Variants in KIF4A observed in about 807,000 individuals in gnomAD.
KIF4A encodes the protein kinesin family member 4A.
A neutral mutation model predicts 105.9 loss-of-function variants in KIF4A; 7 were observed. The observed-to-expected ratio is 0.07, with a 90% CI of 0.04 to 0.12. The LOEUF is 0.12. KIF4A is among the 10% of genes least tolerant of loss of function. The pLI is 1.00. For missense variants in KIF4A, 558 were observed against 929.2 expected (o/e 0.60, Z 5.19); for synonymous variants, 281 against 331.3 (o/e 0.85, Z 1.65).
intron 20 of KIF4A, among the ~76,000 whole-genome samples, 159 bp from the exon 21 acceptor site, chrX:70,395,512 G>A (rs937525691): frequency 9.0e-6 from 1 of 111,481 alleles, no homozygotes; most frequent in African/African-American, 3.3e-5. Flanking sequence ...AAGGCTCTTC[G>A]AGAGGTACTG....
At chrX:70,377,235 G>A (rs1236761846) in intron 18 of KIF4A, among the ~76,000 whole-genome samples, 1 of 110,528 alleles carries the variant, frequency 9.0e-6, no homozygotes, top group East Asian at 2.8e-4. Context: ...ATCACACCTG[G>A]CAAATTTTTT....
chrX:70,341,814 G>T lies in KIF4A; in HGVS notation c.1149G>T (p.Glu383Asp). ...TTTGTTTTAGTGTGGAACCATCAGA[G>T]AATCTACAATCCCTGATGGAGAAGA... ...LPGSITVEPS[E>D]NLQSLMEKNQ... Residue 383 changes from glutamate to aspartate, a missense_variant, in exon 11 of 31, where the codon GAG (glutamate) becomes GAT (aspartate). By Grantham distance (45) the Glu-to-Asp change is conservative. Transcript: ENST00000374403. The T allele has an allele frequency of 1.7e-6, 2 of 1,210,296 alleles. No individual in the cohort carries two copies. Among genetic ancestry groups the T allele is most frequent in the Non-Finnish European group, 2.2e-6 (2 of 894,458 alleles).
intron 22 of KIF4A, among the ~76,000 whole-genome samples, chrX:70,399,814 G>T (rs1293423918): frequency 2.5e-5 from 1 of 39,795 alleles, no homozygotes; most frequent in Non-Finnish European, 4.3e-5. Context: ...GGTGGGGGGA[G>T]GGGGGAGGGA....
Position 70,299,166 on chromosome X carries a change from A to G in KIF4A, c.480A>G (p.Gln160=). 8.3e-7 allele frequency: 1 copy of G among 1,208,087 alleles called. No homozygotes were observed. The highest frequency in any genetic ancestry group is 1.1e-6 in the Non-Finnish European group (1 of 893,116). The stretch of plus-strand genomic sequence containing the variant: ...TATGCCCATCTCGTGAGAAAGCTCA[A>G]ATAAATATACGAGAGGATCCTAAGG... ...DLLCPSREKA[Q]INIREDPKEG... The change falls in exon 5 of 31, where the codon CAA becomes CAG. Residue 160 remains glutamine (Q), a synonymous_variant. Coordinates refer to ENST00000374403, the MANE Select transcript of KIF4A (RefSeq NM_012310.5).
At chrX:70,399,992 TAA>T (rs1478015698) in intron 22 of KIF4A, among the ~76,000 whole-genome samples, 1 of 106,711 alleles carries the variant, frequency 9.4e-6, no homozygotes, top group Non-Finnish European at 1.9e-5. Context: ...AGTTTATTAA[TAA>T]GTTTCAGATT....
rs765530892 is a variant in KIF4A at position 70,356,469 on chromosome X, G to A, written c.1674+2662G>A. Among the ~76,000 whole-genome samples the A allele has an allele frequency of 4.1e-3, 460 of 111,414 alleles. 3 individuals are homozygous for A. Among genetic ancestry groups the A allele is most frequent in the African/African-American group, 0.014 (428 of 30,681 alleles). On this transcript the variant is annotated intron_variant, in intron 15 of 30. Transcript: ENST00000374403. ...TCCCAGCTACTTGGGAGGCCGAGGC[G>A]GGAGAATCGCTTGAACCCGGGAGGT...
In KIF4A at chrX:70,357,551, C is replaced by A. The variant is rs756929041; in HGVS notation, c.1674+3744C>A. Among the ~76,000 whole-genome samples, 9 of 111,702 alleles carry A rather than the reference C, an allele frequency of 8.1e-5. No homozygotes were observed. In the South Asian group the frequency reaches 3.4e-3, roughly 42 times the overall value. On this transcript the variant is annotated intron_variant, in intron 15 of 30. Coordinates refer to ENST00000374403, the MANE Select transcript of KIF4A (RefSeq NM_012310.5). ...CATGTCTTCCTCCTCTTTAGTATAC[C>A]CCTTTGCTTTGGTGGAGTAAAACCC...
intron 9 of KIF4A, 150 bp from the exon 10 acceptor site, chrX:70,333,478 C>A (rs1280899616): frequency 1.6e-5 from 7 of 433,050 alleles, no homozygotes; most frequent in Non-Finnish European, 2.5e-5. Context: ...ATGTATGATG[C>A]CTTTGGTAGT....
chrX:70,383,398 G>A (rs760632656), intron 18 of KIF4A, among the ~76,000 whole-genome samples: 22 of 111,936 alleles, frequency 2.0e-4, no homozygotes, highest in Non-Finnish European at 3.4e-4. Context: ...AGAATGTGGA[G>A]ACACTGAAAG....
chrX:70,348,933 TG>T (rs2086006138), intron 13 of KIF4A, among the ~76,000 whole-genome samples: 1 of 54,088 alleles, frequency 1.8e-5, no homozygotes, highest in Non-Finnish European at 3.7e-5. Context: ...ACTTCCCAGA[TG>T]GGGCAGCTGG....
intron 7 of KIF4A, among the ~76,000 whole-genome samples, chrX:70,315,214 C>G (rs1053302274): frequency 3.3e-4 from 37 of 111,368 alleles, no homozygotes; most frequent in African/African-American, 1.2e-3. Context: ...CTTGAGTTTT[C>G]TTGGTATCAA....
intron 22 of KIF4A, among the ~76,000 whole-genome samples, chrX:70,400,339 C>T (rs1384456642): frequency 9.0e-6 from 1 of 111,274 alleles, no homozygotes; most frequent in African/African-American, 3.3e-5. Flanking sequence ...CATGTCCCTA[C>T]AAAGGATGTG....
At chrX:70,395,922 C>T in intron 21 of KIF4A, 27 bp from the exon 22 acceptor site, 1 of 1,192,648 alleles carries the variant, frequency 8.4e-7, no homozygotes, top group Non-Finnish European at 1.1e-6. Context: ...TTTAGTATTT[C>T]ACCCTTGTTC....
intron 7 of KIF4A, among the ~76,000 whole-genome samples, chrX:70,310,516 G>C (rs1445249084): frequency 3.6e-5 from 4 of 110,974 alleles, no homozygotes; most frequent in African/African-American, 9.8e-5. Context: ...CAAATTTTTA[G>C]CTATTATGAA....
At chrX:70,387,424 T>C in intron 20 of KIF4A, 127 bp downstream of exon 20, 3 of 487,873 alleles carry the variant, frequency 6.1e-6, no homozygotes. Flanking sequence ...CTTGAAAGCC[T>C]TATTTCCTAA....
At chrX:70,337,591 G>A (rs966561514) in intron 10 of KIF4A, among the ~76,000 whole-genome samples, 14 of 110,929 alleles carry the variant, frequency 1.3e-4, no homozygotes, top group African/African-American at 4.6e-4. Flanking sequence ...GATCACCTGA[G>A]CCCAGGGAAG....
chrX:70,340,815 ATTTTTCTC>A (rs2085969682), intron 10 of KIF4A, among the ~76,000 whole-genome samples: 1 of 110,161 alleles, frequency 9.1e-6, no homozygotes, highest in Non-Finnish European at 1.9e-5. Flanking sequence ...CCTGTCCTTT[ATTTTTCTC>A]TTTTTCATAG....
chrX:70,334,300 T>C (rs1358810244), intron 10 of KIF4A, among the ~76,000 whole-genome samples: 1 of 112,283 alleles, frequency 8.9e-6, no homozygotes. Flanking sequence ...CTCAGAAATA[T>C]CTACCTGTGT....
At position 70,375,186 on chromosome X, in the gene KIF4A, T is replaced by C; in HGVS notation, c.1779-18T>C. ...CTTTGCTGCTGGTAGTCCTCACTTC[T>C]ACAGCATCTGTGTTTAGGTTGAGTG... On this transcript the variant is annotated intron_variant, in intron 16 of 30. Transcript: ENST00000374403. The C allele has an allele frequency of 8.3e-7, 1 of 1,209,073 alleles. No individual in the cohort carries two copies. The highest frequency in any genetic ancestry group is 1.1e-6 in the Non-Finnish European group (1 of 894,778).
Sources: allele counts gnomAD v4.1 joint callset (sites outside exome capture counted in the v4.1 genomes callset), GRCh38; gene constraint gnomAD v4.1.1; transcripts MANE v1.5; gene names NCBI Gene and HGNC (gene_info 2026-07-23, HGNC 2026-07-21).